FRAS1: variants seen among roughly 807,000 people sequenced by gnomAD.
The protein encoded by FRAS1 is Fraser extracellular matrix complex subunit 1.
Under a neutral mutation model 435.2 loss-of-function variants are expected in FRAS1, and 290 were observed. The observed-to-expected ratio is 0.67, with a 90% CI of 0.61 to 0.73. The LOEUF is 0.73. Ranked by LOEUF, FRAS1 falls within the 30% of genes least tolerant of loss-of-function variation. FRAS1 has a pLI of 0.00. For synonymous variants in FRAS1, 1,800 were observed against 1,851.0 expected (o/e 0.97, Z 0.71); for missense variants, 4,860 against 5,001.5 (o/e 0.97, Z 0.85).
At chr4:78,465,054 G>A (rs1322886008) in intron 49 of FRAS1, among the ~76,000 whole-genome samples, 3 of 152,178 alleles carry the variant, frequency 2.0e-5, no homozygotes, top group Non-Finnish European at 4.4e-5. Context: ...AACAGGGCAT[G>A]TGGAGACTAA....
chr4:78,188,019 T>C (rs1209536845), intron 2 of FRAS1, among the ~76,000 whole-genome samples: 1 of 152,212 alleles, frequency 6.6e-6, no homozygotes, highest in East Asian at 1.9e-4. Context: ...AAGAATCTGG[T>C]ACTAAAGTTT....
chr4:78,195,324 C>T (rs956309068), intron 2 of FRAS1, among the ~76,000 whole-genome samples: 2 of 152,222 alleles, frequency 1.3e-5, no homozygotes, highest in African/African-American at 4.8e-5. Context: ...TTTAAGTCTG[C>T]AGAGGATTCT....
At chr4:78,173,977 G>GTA (rs1721658973) in intron 2 of FRAS1, among the ~76,000 whole-genome samples, 1 of 152,232 alleles carries the variant, frequency 6.6e-6, no homozygotes, top group African/African-American at 2.4e-5. Flanking sequence ...CAGCTTCACT[G>GTA]TACAGATGGT....
At chr4:78,356,061 A>T (rs1287212726) in intron 20 of FRAS1, among the ~76,000 whole-genome samples, 1 of 152,186 alleles carries the variant, frequency 6.6e-6, no homozygotes. Flanking sequence ...TGGGTCACAT[A>T]GTTACCTCCC....
intron 2 of FRAS1, chr4:78,181,688 T>C: frequency 8.1e-6 from 13 of 1,609,828 alleles, no homozygotes; most frequent in Non-Finnish European, 1.1e-5. Flanking sequence ...TATTTTCCCC[T>C]CACCCTGAAG....
intron 2 of FRAS1, among the ~76,000 whole-genome samples, chr4:78,182,754 C>T (rs1722075850): frequency 6.6e-6 from 1 of 151,882 alleles, no homozygotes; most frequent in South Asian, 2.1e-4. Context: ...GTGGCACGTG[C>T]CTGTAATCTC....
chr4:78,408,999 C>T (rs1455653165), intron 31 of FRAS1, among the ~76,000 whole-genome samples: 2 of 146,166 alleles, frequency 1.4e-5, no homozygotes, highest in African/African-American at 2.5e-5. Flanking sequence ...GGCAGCTAGG[C>T]GGGAGGATCA....
chr4:78,321,596 C>T (rs1248910381), intron 18 of FRAS1, among the ~76,000 whole-genome samples: 8 of 152,142 alleles, frequency 5.3e-5, no homozygotes, highest in Non-Finnish European at 1.2e-4. Context: ...GTAATCCCAG[C>T]ACTTTGGGAG....
At chr4:78,239,641 A>T (rs1724917418) in intron 3 of FRAS1, among the ~76,000 whole-genome samples, 1 of 151,934 alleles carries the variant, frequency 6.6e-6, no homozygotes, top group African/African-American at 2.4e-5. Flanking sequence ...TTAATATTCT[A>T]CTGTTTTCTC....
chr4:78,438,512 G>T, intron 38 of FRAS1, 58 bp from the exon 39 acceptor site: 1 of 1,572,734 alleles, frequency 6.4e-7, no homozygotes. Flanking sequence ...TTTAGCTACT[G>T]GAAGTGTTTA....
chr4:78,177,258 A>G (rs140906062), intron 2 of FRAS1, among the ~76,000 whole-genome samples: 2 of 152,306 alleles, frequency 1.3e-5, no homozygotes, highest in East Asian at 1.9e-4. Flanking sequence ...GGCTTGAAAT[A>G]TAGTTGAGAA....
chr4:78,437,708 C>T (rs1734485370), intron 38 of FRAS1, among the ~76,000 whole-genome samples: 1 of 152,170 alleles, frequency 6.6e-6, no homozygotes, highest in Non-Finnish European at 1.5e-5. Context: ...AGTGACCATG[C>T]AACATTAATT....
intron 2 of FRAS1, among the ~76,000 whole-genome samples, chr4:78,216,032 C>T (rs1376834365): frequency 6.6e-6 from 1 of 152,188 alleles, no homozygotes; most frequent in East Asian, 1.9e-4. Context: ...TATTGTAGAA[C>T]CTGTAATACT....
At chr4:78,414,993 G>A (rs1733491035) in intron 32 of FRAS1, among the ~76,000 whole-genome samples, 2 of 152,194 alleles carry the variant, frequency 1.3e-5, no homozygotes, top group African/African-American at 4.8e-5. Flanking sequence ...GAACAGAGCT[G>A]GGTGAGTGTA....
chr4:78,495,890 T>C (rs935461024), intron 59 of FRAS1, among the ~76,000 whole-genome samples: 7 of 152,088 alleles, frequency 4.6e-5, no homozygotes, highest in African/African-American at 1.7e-4. Context: ...AAAGATGTGG[T>C]AGAGGAAAAA....
intron 14 of FRAS1, among the ~76,000 whole-genome samples, chr4:78,300,627 A>G (rs1012630152): frequency 3.3e-5 from 5 of 152,112 alleles, no homozygotes; most frequent in African/African-American, 7.2e-5. Flanking sequence ...AAACATGTCA[A>G]TCAGATCTTG....
At chr4:78,169,107 C>T (rs17003010) in intron 2 of FRAS1, among the ~76,000 whole-genome samples, 5,090 of 152,042 alleles carry the variant, frequency 0.033, 288 homozygotes, top group African/African-American at 0.12. Flanking sequence ...TTGCAGGCTG[C>T]CCTCTTGTTC....
chr4:78,207,409 T>C (rs922596654), intron 2 of FRAS1, among the ~76,000 whole-genome samples: 8 of 152,302 alleles, frequency 5.3e-5, no homozygotes, highest in African/African-American at 1.9e-4. Context: ...GCTACAGATA[T>C]AGGGAAGCTT....
intron 18 of FRAS1, among the ~76,000 whole-genome samples, chr4:78,322,367 G>A (rs1042679058): frequency 6.6e-6 from 1 of 152,148 alleles, no homozygotes; most frequent in African/African-American, 2.4e-5. Flanking sequence ...GGTTAGATGG[G>A]TGTTGTGTGT....
Sources: allele counts gnomAD v4.1 joint callset (sites outside exome capture counted in the v4.1 genomes callset), GRCh38; gene constraint gnomAD v4.1.1; transcripts MANE v1.5; gene names NCBI Gene and HGNC (gene_info 2026-07-23, HGNC 2026-07-21).